The following PIK3C2G variants were observed in gnomAD, a reference collection of about 807,000 sequenced individuals.
PIK3C2G encodes the protein phosphatidylinositol 3-kinase C2 domain-containing subunit gamma.
A neutral mutation model predicts 181.1 loss-of-function variants in PIK3C2G; 168 were observed. The ratio of observed to expected loss-of-function variants is 0.93; its 90% CI spans 0.82 to 1.05. The LOEUF (loss-of-function observed/expected upper bound fraction) is 1.05, where lower values mean the gene tolerates loss of function less well. PIK3C2G is among the 50% of genes least tolerant of loss of function. PIK3C2G has a pLI of 0.00. For synonymous variants in PIK3C2G, 573 were observed against 592.2 expected (o/e 0.97, Z 0.47); for missense variants, 1,869 against 1,732.8 (o/e 1.08, Z -1.40).
At chr12:18,719,238 C>G in the PIK3C2G span, among the ~76,000 whole-genome samples, 1 of 152,056 alleles carries the variant, frequency 6.6e-6, no homozygotes, top group South Asian at 2.1e-4. Context: ...CTAATGCATA[C>G]AATAAATTAC....
intron 16 of PIK3C2G, among the ~76,000 whole-genome samples, chr12:18,404,843 A>C (rs1271436255): frequency 1.3e-5 from 2 of 152,158 alleles, no homozygotes; most frequent in African/African-American, 4.8e-5. Context: ...ATATGTGCAC[A>C]AATCTGGCAT....
chr12:18,298,523 T>C (rs1159686771), intron 5 of PIK3C2G, among the ~76,000 whole-genome samples: 1 of 151,826 alleles, frequency 6.6e-6, no homozygotes, highest in Non-Finnish European at 1.5e-5. Context: ...GATTGTTTTG[T>C]TTGCTATGCA....
intron 14 of PIK3C2G, among the ~76,000 whole-genome samples, chr12:18,384,814 C>T (rs945484171): frequency 6.6e-5 from 10 of 152,004 alleles, no homozygotes; most frequent in East Asian, 1.9e-4. Flanking sequence ...CCACAGTATG[C>T]GAAAGTTAAA....
intron 1 of PIK3C2G, among the ~76,000 whole-genome samples, chr12:18,269,639 G>C (rs1948659859): frequency 6.6e-6 from 1 of 152,148 alleles, no homozygotes; most frequent in African/African-American, 2.4e-5. Context: ...TCCATTCACA[G>C]TCAAATACTC....
intron 18 of PIK3C2G, among the ~76,000 whole-genome samples, chr12:18,448,642 T>G (rs912054624): frequency 2.6e-5 from 4 of 152,148 alleles, no homozygotes; most frequent in African/African-American, 7.2e-5. Flanking sequence ...GTATTTTTCT[T>G]TCTGTGTCTG....
intron 16 of PIK3C2G, among the ~76,000 whole-genome samples, chr12:18,409,419 G>T (rs568699330): frequency 2.4e-4 from 36 of 152,170 alleles, no homozygotes; most frequent in South Asian, 4.2e-4. Flanking sequence ...CTAGGGGAGG[G>T]ATAGCATTAG....
chr12:18,266,307 T>C (rs191367327), intron 1 of PIK3C2G, among the ~76,000 whole-genome samples: 416 of 152,204 alleles, frequency 2.7e-3, no homozygotes, highest in Admixed American at 6.4e-3. Flanking sequence ...CAAACAAATA[T>C]ATATGAACTT....
At chr12:18,412,093 TG>T (rs1205057693) in intron 16 of PIK3C2G, among the ~76,000 whole-genome samples, 1 of 152,130 alleles carries the variant, frequency 6.6e-6, no homozygotes, top group African/African-American at 2.4e-5. Context: ...ATTCCTACAG[TG>T]CTCTGAGATG....
intron 28 of PIK3C2G, among the ~76,000 whole-genome samples, chr12:18,564,924 G>T (rs1470599580): frequency 4.6e-5 from 7 of 152,134 alleles, no homozygotes; most frequent in Admixed American, 4.6e-4. Context: ...AGTATAACTT[G>T]TAAAACTTTA....
At chr12:18,669,410 A>G in the PIK3C2G span, among the ~76,000 whole-genome samples, 2 of 152,244 alleles carry the variant, frequency 1.3e-5, no homozygotes, top group African/African-American at 4.8e-5. Context: ...AATTATCCTC[A>G]CTTTAAATAA....
At chr12:18,654,133 A>T in the PIK3C2G span, among the ~76,000 whole-genome samples, 1 of 152,126 alleles carries the variant, frequency 6.6e-6, no homozygotes, top group African/African-American at 2.4e-5. Context: ...CTCAAAACAC[A>T]GACTGGGCAG....
intron 1 of PIK3C2G, among the ~76,000 whole-genome samples, chr12:18,264,985 T>C (rs183654611): frequency 1.4e-3 from 206 of 152,368 alleles, no homozygotes; most frequent in African/African-American, 4.6e-3. Flanking sequence ...ATTTTGAGAA[T>C]TCTCTTTCTT....
chr12:18,374,827 T>A (rs1942322610), intron 13 of PIK3C2G, among the ~76,000 whole-genome samples: 1 of 152,092 alleles, frequency 6.6e-6, no homozygotes, highest in African/African-American at 2.4e-5. Flanking sequence ...TGTTTGGAAG[T>A]GTGTGGCACC....
At chr12:18,407,325 T>G (rs527247121) in intron 16 of PIK3C2G, among the ~76,000 whole-genome samples, 1 of 152,272 alleles carries the variant, frequency 6.6e-6, no homozygotes, top group Non-Finnish European at 1.5e-5. Context: ...ATTTTATAAT[T>G]GAAGGACATA....
the PIK3C2G span, among the ~76,000 whole-genome samples, chr12:18,660,429 C>G: frequency 6.6e-6 from 1 of 152,100 alleles, no homozygotes; most frequent in African/African-American, 2.4e-5. Context: ...AAGTGAGATC[C>G]AGGGGGGTTT....
chr12:18,283,577 T>C (rs1304691055), intron 2 of PIK3C2G, among the ~76,000 whole-genome samples: 1 of 152,184 alleles, frequency 6.6e-6, no homozygotes, highest in Non-Finnish European at 1.5e-5. Context: ...GATACTTGAA[T>C]TCAGGAATAG....
At chr12:18,527,820 AC>A (rs1277859201) in intron 24 of PIK3C2G, among the ~76,000 whole-genome samples, 3 of 152,124 alleles carry the variant, frequency 2.0e-5, no homozygotes, top group Non-Finnish European at 4.4e-5. Context: ...TGTTTTAATC[AC>A]CCTTATCAAA....
chr12:18,246,464 A>G (rs1948040956), upstream of PIK3C2G, among the ~76,000 whole-genome samples: 1 of 152,164 alleles, frequency 6.6e-6, no homozygotes, highest in Non-Finnish European at 1.5e-5. Context: ...GGTAGAAAGC[A>G]CAATTTTCAA....
At chr12:18,488,264 C>T (rs1426869539) in intron 18 of PIK3C2G, among the ~76,000 whole-genome samples, 185 bp from the exon 19 acceptor site, 1 of 152,076 alleles carries the variant, frequency 6.6e-6, no homozygotes, top group African/African-American at 2.4e-5. Flanking sequence ...CTTGGAATCT[C>T]ATTAACTATC....
Sources: gnomAD v4.1 joint callset for allele counts (sites outside exome capture counted in the v4.1 genomes callset) on GRCh38, gnomAD v4.1.1 for gene constraint, MANE v1.5 for transcripts, NCBI Gene and HGNC (gene_info 2026-07-23, HGNC 2026-07-21) for gene names.